Variants in PTPRD observed in about 807,000 individuals in gnomAD.
PTPRD encodes the protein protein tyrosine phosphatase receptor type D, also known as receptor-type tyrosine-protein phosphatase delta.
In PTPRD, 34 loss-of-function variants were observed where a neutral mutation model predicts 214.5. That is an observed-to-expected ratio of 0.16 (90% confidence interval 0.12 to 0.21). The LOEUF (loss-of-function observed/expected upper bound fraction) is 0.21. Among genes scored for constraint, PTPRD ranks in the 10% least tolerant of loss-of-function variants. The pLI, the probability that PTPRD is intolerant of heterozygous loss-of-function variation, is 1.00. For missense variants in PTPRD, 2,545 were observed against 2,398.7 expected (o/e 1.06, Z -1.27); for synonymous variants, 1,128 against 845.7 (o/e 1.33, Z -5.79).
intron 9 of PTPRD, among the ~76,000 whole-genome samples, chr9:9,223,838 T>C (rs1199230845): frequency 2.6e-5 from 4 of 152,008 alleles, no homozygotes; most frequent in Non-Finnish European, 4.4e-5. Flanking sequence ...CTGAGTACAT[T>C]ACATATTCAT....
intron 2 of PTPRD, among the ~76,000 whole-genome samples, chr9:10,502,487 C>T (rs72700964): frequency 0.022 from 3,292 of 151,928 alleles, 56 homozygotes; most frequent in Non-Finnish European, 0.033. Flanking sequence ...AAGTTGACTC[C>T]ACAAGACACA....
At chr9:9,666,808 A>G (rs1009591741) in intron 7 of PTPRD, among the ~76,000 whole-genome samples, 5 of 151,992 alleles carry the variant, frequency 3.3e-5, no homozygotes, top group African/African-American at 1.2e-4. Flanking sequence ...ATAATAATCT[A>G]TCAACTCTAA....
chr9:9,677,047 G>C (rs1161978378), intron 7 of PTPRD, among the ~76,000 whole-genome samples: 1 of 151,960 alleles, frequency 6.6e-6, no homozygotes, highest in Non-Finnish European at 1.5e-5. Context: ...AGAAGAGTAG[G>C]TTGCAAAAAT....
intron 6 of PTPRD, among the ~76,000 whole-genome samples, chr9:9,752,279 C>T (rs548514251): frequency 1.3e-5 from 2 of 152,124 alleles, no homozygotes; most frequent in South Asian, 2.1e-4. Flanking sequence ...TTATGCTTTT[C>T]CATAAGGCTT....
intron 8 of PTPRD, among the ~76,000 whole-genome samples, chr9:9,535,176 G>A (rs2076266501): frequency 6.6e-6 from 1 of 152,058 alleles, no homozygotes; most frequent in African/African-American, 2.4e-5. Flanking sequence ...AATTTACTCT[G>A]TGGATTTGTT....
At chr9:9,893,429 G>A (rs2074026346) in intron 5 of PTPRD, among the ~76,000 whole-genome samples, 1 of 151,812 alleles carries the variant, frequency 6.6e-6, no homozygotes, top group Admixed American at 6.6e-5. Flanking sequence ...ATGAGATGGA[G>A]GAACATTTAC....
At chr9:9,394,360 G>C (rs908202838) in intron 9 of PTPRD, among the ~76,000 whole-genome samples, 1 of 152,094 alleles carries the variant, frequency 6.6e-6, no homozygotes, top group African/African-American at 2.4e-5. Context: ...TCTATTCCTA[G>C]TGCCTTAAAA....
intron 2 of PTPRD, among the ~76,000 whole-genome samples, chr9:10,381,095 T>G (rs1194782161): frequency 6.6e-6 from 1 of 151,322 alleles, no homozygotes; most frequent in Admixed American, 6.6e-5. Flanking sequence ...AATTAAAATA[T>G]AAGACCAAAA....
At chr9:9,863,930 G>C (rs777124381) in intron 5 of PTPRD, among the ~76,000 whole-genome samples, 2 of 151,908 alleles carry the variant, frequency 1.3e-5, no homozygotes, top group Non-Finnish European at 2.9e-5. Context: ...GCAGTTATGT[G>C]AGTTATTTTG....
intron 9 of PTPRD, among the ~76,000 whole-genome samples, chr9:9,331,899 T>C (rs2042447237): frequency 6.6e-6 from 1 of 152,014 alleles, no homozygotes; most frequent in Non-Finnish European, 1.5e-5. Context: ...CATAGCAAAT[T>C]CTGGGGAAAC....
Position 10,406,842 on chromosome 9 carries a change from T to C in PTPRD, c.-599-65825A>G, listed in dbSNP as rs565077245. Among the ~76,000 whole-genome samples the C allele has an allele frequency of 4.6e-5, 7 of 151,764 alleles. No homozygotes were observed. In the East Asian group the frequency reaches 7.8e-4, roughly 17 times the overall value. Reference sequence around the variant, plus strand: ...GACTAAAGATGTTCATAGAGTCCATTTCAATCTCACGATCTCACAGGATCC... The same window carrying C: ...GACTAAAGATGTTCATAGAGTCCATCTCAATCTCACGATCTCACAGGATCC... On this transcript the variant is annotated intron_variant, in intron 2 of 45. Coordinates refer to ENST00000381196, the MANE Select transcript of PTPRD (RefSeq NM_002839.4).
chr9:8,738,799 C>G (rs2091156083), intron 11 of PTPRD, among the ~76,000 whole-genome samples: 1 of 147,200 alleles, frequency 6.8e-6, no homozygotes, highest in African/African-American at 2.5e-5. Flanking sequence ...CTACTGCTGT[C>G]ACTTAAAACT....
At chr9:9,791,881 A>G (rs115081328) in intron 5 of PTPRD, among the ~76,000 whole-genome samples, 2,997 of 152,256 alleles carry the variant, frequency 0.02, 113 homozygotes, top group African/African-American at 0.069. Flanking sequence ...GAATTTTCTT[A>G]TGCTTAGAAG....
At chr9:9,200,643 C>G (rs2099941323) in intron 9 of PTPRD, among the ~76,000 whole-genome samples, 1 of 152,170 alleles carries the variant, frequency 6.6e-6, no homozygotes, top group African/African-American at 2.4e-5. Context: ...CATTACGCCA[C>G]TCAGCAAAAC....
intron 10 of PTPRD, among the ~76,000 whole-genome samples, chr9:9,047,030 A>G (rs1015028774): frequency 1.1e-4 from 17 of 152,166 alleles, no homozygotes; most frequent in Non-Finnish European, 2.2e-4. Flanking sequence ...TACAGATTCC[A>G]CAAAAAGCTA....
At chr9:10,119,202 C>T (rs528958674) in intron 3 of PTPRD, among the ~76,000 whole-genome samples, 1 of 151,888 alleles carries the variant, frequency 6.6e-6, no homozygotes, top group Non-Finnish European at 1.5e-5. Context: ...GCTAACCCCC[C>T]CTTTTTTAAC....
intron 2 of PTPRD, among the ~76,000 whole-genome samples, chr9:10,400,345 T>G (rs945225182): frequency 2.0e-5 from 3 of 151,842 alleles, no homozygotes; most frequent in African/African-American, 7.2e-5. Context: ...ACTATTATCA[T>G]TTTCTCTAGT....
chr9:9,238,109 T>C (rs768562992), intron 9 of PTPRD, among the ~76,000 whole-genome samples: 1 of 152,042 alleles, frequency 6.6e-6, no homozygotes, highest in Non-Finnish European at 1.5e-5. Context: ...GAAGGAGACA[T>C]CCTGTGACAC....
At chr9:8,613,514 C>G (rs929079170) in intron 14 of PTPRD, among the ~76,000 whole-genome samples, 2 of 152,054 alleles carry the variant, frequency 1.3e-5, no homozygotes, top group African/African-American at 4.8e-5. Flanking sequence ...ATTAAAATAT[C>G]ATAGCATCAC....
Sources: gnomAD v4.1 joint callset for allele counts (sites outside exome capture counted in the v4.1 genomes callset) on GRCh38, gnomAD v4.1.1 for gene constraint, MANE v1.5 for transcripts, NCBI Gene and HGNC (gene_info 2026-07-23, HGNC 2026-07-21) for gene names.